Variants in ACIN1 observed in about 807,000 individuals in gnomAD.
The protein encoded by ACIN1 is apoptotic chromatin condensation inducer in the nucleus.
ACIN1 carries 16 observed loss-of-function variants against 146.6 expected under a neutral mutation model. That is an observed-to-expected ratio of 0.11 (90% CI 0.07 to 0.17). The LOEUF (loss-of-function observed/expected upper bound fraction) is 0.17, where lower values mean the gene tolerates loss of function less well. Among genes scored for constraint, ACIN1 ranks in the 10% least tolerant of loss-of-function variants. The probability of loss-of-function intolerance (pLI) is 1.00; values close to 1 mark genes in which losing one functional copy is unlikely to be tolerated. For synonymous variants in ACIN1, 569 were observed against 582.7 expected (o/e 0.98, Z 0.34); for missense variants, 1,357 against 1,609.3 (o/e 0.84, Z 2.68).
Position 23,062,481 on chromosome 14 carries a change from G to A in ACIN1, c.2926C>T (p.Arg976Cys). The A allele has an allele frequency of 1.9e-6, 3 of 1,614,116 alleles. No individual in the cohort carries two copies. The highest frequency in any genetic ancestry group is 2.5e-6 in the Non-Finnish European group (3 of 1,180,028). ...TLGQLKELLGRTGTLVEEAFW... is the reference protein window; with the variant it reads ...TLGQLKELLGCTGTLVEEAFW... ...GCCTCTTCCACCAAGGTTCCTGTGC[G>A]CCCCAACAACTCCTTTAGCTGGCCT... Residue 976 changes from arginine to cysteine, a missense_variant, in exon 15 of 19, where the codon CGC becomes TGC. Arg to Cys is a radical substitution (Grantham distance 180). Coordinates refer to ENST00000605057, the MANE Select transcript of ACIN1 (RefSeq NM_001386863.1).
rs924134377 is a variant in ACIN1, at chr14:23,079,429, G to C, written c.1788+118C>G. On this transcript the variant is annotated intron_variant, in intron 6 of 18. Transcript: ENST00000605057. ...TGAGGAGAAAGTAATCAGTGAAGGA[G>C]AGTAAAGGAGGCTTTTCCTATTCCT... 4.1e-6 allele frequency: 6 copies of C among 1,470,354 alleles called. No individual in the cohort carries two copies. In the African/African-American group the frequency reaches 7.1e-5, roughly 17 times the overall value. 91.1% of individuals were successfully genotyped at this position (1,470,354 alleles called of 1,614,324 possible). A position where few individuals can be genotyped will look rare whatever the true frequency, so the allele number is the denominator to read the frequency against.
intron 1 of ACIN1, chr14:23,094,476 G>A (rs1001777952): frequency 6.1e-6 from 6 of 984,678 alleles, no homozygotes; most frequent in African/African-American, 5.3e-5. Flanking sequence ...TCAAATAAAG[G>A]TCTCTCTTCA....
At chr14:23,069,165 G>A (rs2047549918) in intron 9 of ACIN1, 1 of 1,060,400 alleles carries the variant, frequency 9.4e-7, no homozygotes, top group African/African-American at 1.7e-5. Context: ...AGCTTGGGAA[G>A]ACAGCAGGAA....
intron 4 of ACIN1, among the ~76,000 whole-genome samples, chr14:23,083,549 G>A (rs142866651): frequency 0.027 from 4,141 of 152,214 alleles, 198 homozygotes; most frequent in African/African-American, 0.094. Flanking sequence ...TGGCTAACAT[G>A]GTGAAACCCT....
At position 23,058,703 on chromosome 14, in the gene ACIN1, C is replaced by G. The variant is rs1594731678; in HGVS notation, c.*445G>C. 1 of 181,910 alleles carries G rather than the reference C, an allele frequency of 5.5e-6. No individual in the cohort carries two copies. The allele number at this position is 181,910 out of a possible 1,614,324, so 11.3% of individuals were successfully genotyped here. ...TGGGAAAGAGGCAAGGGCTGCAGGA[C>G]AGAAGAGACTGGGAACTGCAGGGGC... On this transcript the variant is annotated 3_prime_UTR_variant, in exon 19 of 19. Transcript: ENST00000605057.
intron 1 of ACIN1, chr14:23,094,502 T>C: frequency 1.0e-6 from 1 of 985,300 alleles, no homozygotes; most frequent in Non-Finnish European, 1.2e-6. Flanking sequence ...CCTCCTCATC[T>C]AATCGAGCAG....
At chr14:23,060,995 AC>A in intron 18 of ACIN1, 88 bp downstream of exon 18, 3 of 1,274,158 alleles carry the variant, frequency 2.4e-6, no homozygotes, top group Non-Finnish European at 3.4e-6. Flanking sequence ...ACTTGGGCCG[AC>A]TCACTCTCGC....
Position 23,095,012 on chromosome 14 carries a change from C to T in ACIN1, c.101G>A (p.Ser34Asn). Reference protein sequence around the residue: ...AALEQRGLAKSGQKSALVKRL... With the variant: ...AALEQRGLAKNGQKSALVKRL... ...CTTGACCAGGGCACTCTTCTGCCCG[C>T]TCTTGGCTAGGCCTCGCTGCTCCAG... is the stretch of plus-strand genomic sequence containing the variant. Residue 34 changes from serine to asparagine, a missense_variant, in exon 1 of 19, where the codon AGC (serine) becomes AAC (asparagine). Physicochemically the swap from Ser to Asn is conservative, Grantham distance 46 (BLOSUM62 1). Coordinates refer to ENST00000605057, the MANE Select transcript of ACIN1 (RefSeq NM_001386863.1). 1.2e-6 allele frequency: 2 copies of T among 1,610,442 alleles called. No individual in the cohort carries two copies. The highest frequency in any genetic ancestry group is 1.7e-6 in the Non-Finnish European group (2 of 1,179,968).
chr14:23,077,696 T>C (rs1465435923), intron 8 of ACIN1: 1 of 154,496 alleles, frequency 6.5e-6, no homozygotes, highest in African/African-American at 2.4e-5. Flanking sequence ...AGAACTAGGA[T>C]AGCTTAATGA....
intron 18 of ACIN1, 89 bp downstream of exon 18, chr14:23,060,995 A>T: frequency 7.8e-7 from 1 of 1,274,158 alleles, no homozygotes; most frequent in Non-Finnish European, 1.1e-6. Flanking sequence ...ACTTGGGCCG[A>T]CTCACTCTCG....
chr14:23,062,680 G>A (rs934527261), intron 14 of ACIN1, 157 bp from the exon 15 acceptor site: 2 of 783,430 alleles, frequency 2.6e-6, no homozygotes, highest in Admixed American at 2.6e-5. Context: ...AAGAGTGGTG[G>A]TGCTTCCCAG....
At chr14:23,077,264 T>C (rs1240572711) in intron 8 of ACIN1, among the ~76,000 whole-genome samples, 9 of 152,232 alleles carry the variant, frequency 5.9e-5, no homozygotes, top group Non-Finnish European at 4.4e-5. Flanking sequence ...GAAATCATAC[T>C]GGTAGCATTA....
intron 4 of ACIN1, among the ~76,000 whole-genome samples, chr14:23,085,661 T>A (rs76033526): frequency 6.6e-6 from 1 of 152,036 alleles, no homozygotes; most frequent in African/African-American, 2.4e-5. Flanking sequence ...TAGTCAGCAA[T>A]GCAAAATATA....
In ACIN1 at chr14:23,064,388, T is replaced by C. The variant is rs999995446; in HGVS notation, c.2409A>G (p.Lys803=). The C allele has an allele frequency of 1.2e-6, 2 of 1,614,210 alleles. No individual in the cohort carries two copies. The highest frequency in any genetic ancestry group is 3.3e-5 in the Admixed American group (2 of 60,028). ...WGASTATTQK[K]PSISITTESL... ...ATTCAGTGGTGATACTGATGGAAGGTTTCTTCTGTGTGGTGGCTGTGCTGG... is the reference window on the plus strand; with the variant it reads ...ATTCAGTGGTGATACTGATGGAAGGCTTCTTCTGTGTGGTGGCTGTGCTGG... The change falls in exon 11 of 19, where the codon AAA becomes AAG. Residue 803 remains lysine (K), a synonymous_variant. Transcript: ENST00000605057.
Position 23,069,636 on chromosome 14 carries a change from G to C in ACIN1, c.2124-19C>G. On this transcript the variant is annotated intron_variant, in intron 8 of 18. Coordinates refer to ENST00000605057, the MANE Select transcript of ACIN1 (RefSeq NM_001386863.1). ...CTCCTCACTGACAGGAGGGGGGAGT[G>C]GTGGTGGGGGGGCGGGCAGAAAAGA... The C allele has an allele frequency of 2.0e-6, 3 of 1,504,064 alleles. No individual in the cohort carries two copies. The highest frequency in any genetic ancestry group is 2.7e-6 in the Non-Finnish European group (3 of 1,095,424). 93.2% of individuals were successfully genotyped at this position (1,504,064 alleles called of 1,614,324 possible). A position where few individuals can be genotyped will look rare whatever the true frequency, so the allele number is the denominator to read the frequency against.
rs1042018946 is a variant in ACIN1, at chr14:23,094,738, T to C, written c.138+237A>G. The C allele has an allele frequency of 1.3e-5, 9 of 712,008 alleles. No homozygotes were observed. In the Middle Eastern group the frequency reaches 1.6e-3, roughly 127 times the overall value. The allele number at this position is 712,008 out of a possible 1,614,324, so 44.1% of individuals were successfully genotyped here. On this transcript the variant is annotated intron_variant, in intron 1 of 18. Coordinates refer to ENST00000605057, the MANE Select transcript of ACIN1 (RefSeq NM_001386863.1). ...AGGAGGAAGGAGCTTAAGACACTCCTGGAGAGTAGTGCACACCCTCCCATT... is the reference window on the plus strand; with the variant it reads ...AGGAGGAAGGAGCTTAAGACACTCCCGGAGAGTAGTGCACACCCTCCCATT...
At position 23,062,918 on chromosome 14, in the gene ACIN1, C is replaced by A. The variant is rs756574694; in HGVS notation, c.2883+11G>T. The A allele has an allele frequency of 6.3e-7, 1 of 1,598,734 alleles. No individual in the cohort carries two copies. Among genetic ancestry groups the A allele is most frequent in the Non-Finnish European group, 8.5e-7 (1 of 1,173,164 alleles). ...CTAAGCAAGCTGGGATGGTGAGAAA[C>A]AATGACTTACCAAATTGGAGATATG... is the stretch of plus-strand genomic sequence containing the variant. On this transcript the variant is annotated intron_variant, in intron 14 of 18. Coordinates refer to ENST00000605057, the MANE Select transcript of ACIN1 (RefSeq NM_001386863.1).
intron 4 of ACIN1, among the ~76,000 whole-genome samples, chr14:23,085,767 C>T (rs572422437): frequency 6.6e-6 from 1 of 152,318 alleles, no homozygotes; most frequent in South Asian, 2.1e-4. Context: ...AACATGGCCA[C>T]AATGAATGTC....
chr14:23,061,514 G>A lies in ACIN1; in HGVS notation c.3208C>T (p.Pro1070Ser). Residue 1070 changes from proline to serine, a missense_variant, in exon 17 of 19, where the codon CCA (proline) becomes TCA (serine). Transcript: ENST00000605057. ...CGCTGCTCTGCCCGGGGGTGCTGTG[G>A]TGGCTGGACCGGGGGTGGGGGTGGG... is the stretch of plus-strand genomic sequence containing the variant. ...HPPPPPPVQP[P>S]QHPRAEQREQ... The A allele has an allele frequency of 6.2e-7, 1 of 1,610,164 alleles. No homozygotes were observed. Among genetic ancestry groups the A allele is most frequent in the Non-Finnish European group, 8.5e-7 (1 of 1,179,134 alleles).
Sources: allele counts gnomAD v4.1 joint callset (sites outside exome capture counted in the v4.1 genomes callset), GRCh38; gene constraint gnomAD v4.1.1; transcripts MANE v1.5; gene names NCBI Gene and HGNC (gene_info 2026-07-23, HGNC 2026-07-21).